The following PMS2 variants were observed in gnomAD, a reference collection of about 807,000 sequenced individuals.
PMS2 encodes the protein PMS1 homolog 2, mismatch repair system component, also known as mismatch repair endonuclease PMS2.
Under a neutral mutation model 90.0 loss-of-function variants are expected in PMS2, and 69 were observed. The ratio of observed to expected loss-of-function variants is 0.77; its 90% CI spans 0.63 to 0.94. PMS2 has a LOEUF of 0.94. Among genes scored for constraint, PMS2 ranks in the 40% least tolerant of loss-of-function variants. PMS2 has a pLI of 0.00. For synonymous variants in PMS2, 332 were observed against 375.1 expected (o/e 0.89, Z 1.33); for missense variants, 966 against 1,040.2 (o/e 0.93, Z 0.98).
chr7:5,992,119 T>G (rs1403329877), intron 8 of PMS2, 62 bp from the exon 9 acceptor site: 1 of 878,724 alleles, frequency 1.1e-6, no homozygotes, highest in Non-Finnish European at 1.9e-6. Context: ...CCCCGCATTC[T>G]AACAACATTC....
chr7:6,002,669 T>G, intron 4 of PMS2, 33 bp from the exon 5 acceptor site: 1 of 1,553,260 alleles, frequency 6.4e-7, no homozygotes, highest in Non-Finnish European at 8.9e-7. Flanking sequence ...GTGTGTTCAG[T>G]GAGAGACCCA....
At position 6,002,611 on chromosome 7, in the gene PMS2, C is replaced by T. The variant is rs114090343; in HGVS notation, c.379G>A (p.Ala127Thr). ...AGTCGAGTTCCAACCTTCGCCGATG[C>T]GTGGCAGGTAGAAATGGTGACATCG... is the stretch of plus-strand genomic sequence containing the variant. ...LSDVTISTCH[A>T]SAKVGTRLMF... is the part of the protein sequence containing the mutation. The change falls in exon 5 of 15, where the codon GCA becomes ACA. Residue 127 changes from alanine (A) to threonine (T), a missense_variant. Physicochemically the swap from Ala to Thr is moderately conservative, Grantham distance 58. Transcript: ENST00000265849. 457 of 1,611,762 alleles carry T rather than the reference C, an allele frequency of 2.8e-4. No homozygotes were observed. In the East Asian group the frequency reaches 9.2e-3, roughly 32 times the overall value.
chr7:6,006,563 G>T lies in PMS2; in HGVS notation c.24-532C>A, dbSNP rs539173807. Among the ~76,000 whole-genome samples, 4 of 152,042 alleles carry T rather than the reference G, an allele frequency of 2.6e-5. No homozygotes were observed. The South Asian group carries it at 8.3e-4, about 31-fold the overall frequency. On this transcript the variant is annotated intron_variant, in intron 1 of 14. Transcript: ENST00000265849. ...AGCTACTCAGGAGGCTGAGGCAGGA[G>T]AATCGCTTAAATCCAGGAGGCGGAG...
At chr7:5,996,906 T>C (rs1784467494) in intron 7 of PMS2, among the ~76,000 whole-genome samples, 3 of 152,014 alleles carry the variant, frequency 2.0e-5, no homozygotes, top group Admixed American at 2.0e-4. Context: ...CACAGTTTTA[T>C]AAAGGACATA....
At chr7:5,993,283 AT>A (rs1160716762) in intron 8 of PMS2, among the ~76,000 whole-genome samples, 1 of 142,336 alleles carries the variant, frequency 7.0e-6, no homozygotes, top group Admixed American at 7.5e-5. Flanking sequence ...AGGCAGGAGA[AT>A]TGCTTGAACC....
chr7:5,997,345 C>T lies in PMS2; in HGVS notation c.784G>A (p.Ala262Thr), dbSNP rs779625900. Residue 262 changes from alanine (A) to threonine (T), a missense_variant, in exon 7 of 15, where the codon GCT (alanine) becomes ACT (threonine). This residue lies in a region of PMS2 where 871 missense variants were observed against 802.4 expected (regional missense o/e 1.09). Coordinates refer to ENST00000265849, the MANE Select transcript of PMS2 (RefSeq NM_000535.7). The stretch of plus-strand genomic sequence containing the variant: ...ACTTACTAAAAAAGATTATGCAGAG[C>T]ATCGGAACAGCTCAAACCGTACTCT... The part of the protein sequence containing the change: ...CEEYGLSCSD[A>T]LHNLFYISGF... The T allele has an allele frequency of 4.5e-6, 7 of 1,566,544 alleles. No homozygotes were observed. The highest frequency in any genetic ancestry group is 6.2e-6 in the Non-Finnish European group (7 of 1,137,916).
rs1431671076 is a variant in PMS2 at position 6,006,418 on chromosome 7, G to C, written c.24-387C>G. On this transcript the variant is annotated intron_variant, in intron 1 of 14. Coordinates refer to ENST00000265849, the MANE Select transcript of PMS2 (RefSeq NM_000535.7). ...TGTAATCCCAGCACTTTGGGAAGCA[G>C]AGATGGGTGGATAACTTGAGGTCAG... Among the ~76,000 whole-genome samples, 4 of 152,206 alleles carry C rather than the reference G, an allele frequency of 2.6e-5. No individual in the cohort carries two copies. In the East Asian group the frequency reaches 7.7e-4, roughly 29 times the overall value.
At chr7:6,008,940 T>C (rs1786230924) in intron 1 of PMS2, 57 bp downstream of exon 1, 2 of 1,601,810 alleles carry the variant, frequency 1.2e-6, no homozygotes, top group Middle Eastern at 2.0e-4. Context: ...TGGAATGCCG[T>C]GGGTCTCAAA....
chr7:5,978,094 C>T (rs1221504759), intron 13 of PMS2, among the ~76,000 whole-genome samples: 1 of 149,636 alleles, frequency 6.7e-6, no homozygotes, highest in Non-Finnish European at 1.5e-5. Context: ...GCGCTCCAGC[C>T]TGGGCGACAG....
chr7:5,980,490 TG>T (rs1474206014), intron 12 of PMS2, among the ~76,000 whole-genome samples: 2 of 91,730 alleles, frequency 2.2e-5, no homozygotes, highest in Non-Finnish European at 4.7e-5. Flanking sequence ...CCGGGCATGG[TG>T]GCTCACACCT....
chr7:5,985,727 AT>A (rs1437373702), intron 11 of PMS2, among the ~76,000 whole-genome samples: 1 of 146,400 alleles, frequency 6.8e-6, no homozygotes, highest in Non-Finnish European at 1.5e-5. Flanking sequence ...CTAATTTTGC[AT>A]TTTTAGTAGA....
chr7:5,999,601 G>T (rs1784870384), intron 5 of PMS2, among the ~76,000 whole-genome samples: 1 of 151,804 alleles, frequency 6.6e-6, no homozygotes, highest in Non-Finnish European at 1.5e-5. Context: ...GACCAGCCTG[G>T]GCAACACAGC....
At position 5,987,283 on chromosome 7, in the gene PMS2, C is replaced by T. The variant is rs864622398; in HGVS notation, c.1482G>A (p.Ser494=). Residue 494 remains serine (S), a synonymous_variant, in exon 11 of 15, where the codon TCG becomes TCA. Transcript: ENST00000265849. ...PTDRAEVEKD[S]GHGSTSVDSE... ...AATCCACGGAAGTGCTGCCGTGCCC[C>T]GAGTCCTTCTCCACCTCCGCTCTGT... The T allele has an allele frequency of 3.1e-6, 5 of 1,614,124 alleles. No individual in the cohort carries two copies. Among genetic ancestry groups the T allele is most frequent in the Non-Finnish European group, 3.4e-6 (4 of 1,180,030 alleles).
At chr7:5,977,168 C>A (rs568240895) in intron 14 of PMS2, among the ~76,000 whole-genome samples, 125 of 151,362 alleles carry the variant, frequency 8.3e-4, no homozygotes, top group African/African-American at 2.9e-3. Flanking sequence ...CATTCTCCTG[C>A]CTCAGCCTCC....
chr7:5,997,635 C>T (rs1244474689), intron 6 of PMS2, among the ~76,000 whole-genome samples: 2 of 152,096 alleles, frequency 1.3e-5, no homozygotes, highest in East Asian at 1.9e-4. Flanking sequence ...ATGTCAAACT[C>T]GTGGGTTCAA....
chr7:5,978,551 G>A lies in PMS2; in HGVS notation c.2275+45C>T, dbSNP rs754969553. On this transcript the variant is annotated intron_variant, in intron 13 of 14. Coordinates refer to ENST00000265849, the MANE Select transcript of PMS2 (RefSeq NM_000535.7). Reference sequence around the variant, plus strand: ...CTCCCAGAGTGCTGGGATTACAGACGTGAGCCACCACACCCAGCCGCTATA... The same window carrying A: ...CTCCCAGAGTGCTGGGATTACAGACATGAGCCACCACACCCAGCCGCTATA... 1.3e-5 allele frequency: 19 copies of A among 1,507,378 alleles called. No individual in the cohort carries two copies. The highest frequency in any genetic ancestry group is 2.8e-5 in the African/African-American group (2 of 71,716). The allele number at this position is 1,507,378 out of a possible 1,614,324, so 93.4% of individuals were successfully genotyped here.
chr7:6,002,354 T>C lies in PMS2; in HGVS notation c.537+99A>G, dbSNP rs916485181. ...GCAAATAAAGCATTTCTCAATAATT[T>C]ATGGGAAGAGAATCAACTGAAGAAT... On this transcript the variant is annotated intron_variant, in intron 5 of 14. Coordinates refer to ENST00000265849, the MANE Select transcript of PMS2 (RefSeq NM_000535.7). 8.6e-6 allele frequency: 7 copies of C among 813,140 alleles called. No homozygotes were observed. The African/African-American group carries it at 1.2e-4, about 14-fold the overall frequency. The allele number at this position is 813,140 out of a possible 1,614,324, so 50.4% of individuals were successfully genotyped here.
At chr7:5,994,114 G>T (rs984748945) in intron 8 of PMS2, among the ~76,000 whole-genome samples, 13 of 152,034 alleles carry the variant, frequency 8.6e-5, no homozygotes, top group African/African-American at 3.1e-4. Flanking sequence ...CAGGCGCGGT[G>T]GTTCACGCCT....
At chr7:5,997,962 A>G (rs1261244239) in intron 6 of PMS2, among the ~76,000 whole-genome samples, 1 of 152,146 alleles carries the variant, frequency 6.6e-6, no homozygotes, top group Admixed American at 6.6e-5. Flanking sequence ...ATTGCCCACA[A>G]TAACTTATAT....
Sources: gnomAD v4.1 joint callset for allele counts (sites outside exome capture counted in the v4.1 genomes callset) on GRCh38, gnomAD v4.1.1 for gene constraint, gnomAD v4.1.1 regional missense constraint, MANE v1.5 for transcripts, NCBI Gene and HGNC (gene_info 2026-07-23, HGNC 2026-07-21) for gene names.